Variants in CACNA1H observed in about 807,000 individuals in gnomAD.
CACNA1H encodes calcium voltage-gated channel subunit alpha1 H, also known as voltage-dependent T-type calcium channel subunit alpha-1H.
CACNA1H carries 149 observed loss-of-function variants against 192.5 expected under a neutral mutation model. That is an observed-to-expected ratio of 0.77 (90% CI 0.68 to 0.89). The LOEUF (loss-of-function observed/expected upper bound fraction) is 0.89. Among genes scored for constraint, CACNA1H ranks in the 40% least tolerant of loss-of-function variants. The pLI is 0.00. For synonymous variants in CACNA1H, 2,202 were observed against 1,475.2 expected, an observed-to-expected ratio of 1.49 and a Z score of -11.29; for missense variants, 4,257 against 3,423.5, an observed-to-expected ratio of 1.24 and a Z score of -6.08.
intron 2 of CACNA1H, among the ~76,000 whole-genome samples, chr16:1,183,570 T>G (rs1326624761): frequency 6.6e-6 from 1 of 152,140 alleles, no homozygotes; most frequent in Admixed American, 6.5e-5. Context: ...TCCCTCCCGC[T>G]AAGAGGCCCC....
intron 2 of CACNA1H, among the ~76,000 whole-genome samples, chr16:1,190,838 C>A (rs1192994490): frequency 6.6e-6 from 1 of 151,462 alleles, no homozygotes; most frequent in African/African-American, 2.4e-5. Flanking sequence ...ACCCGTCAGG[C>A]TGGCCTGGCT....
chr16:1,207,744 C>T (rs755109518), intron 14 of CACNA1H, 26 bp from the exon 15 acceptor site: 3 of 1,569,520 alleles, frequency 1.9e-6, no homozygotes, highest in South Asian at 2.3e-5. Flanking sequence ...GCCCCTCATG[C>T]CTGCCTTGTG....
chr16:1,200,819 G>A lies in CACNA1H; in HGVS notation c.1212+11G>A. On this transcript the variant is annotated intron_variant, in intron 8 of 34. Coordinates refer to ENST00000348261, the MANE Select transcript of CACNA1H (RefSeq NM_021098.3). The stretch of plus-strand genomic sequence containing the variant: ...ATCCTGCTCATCATCGTGAGTGTGG[G>A]CGGCAGTGTTCGCCATGATGGGCCC... 1 of 1,549,578 alleles carries A rather than the reference G, an allele frequency of 6.5e-7. No homozygotes were observed. The highest frequency in any genetic ancestry group is 2.4e-5 in the East Asian group (1 of 40,924).
rs1961891106 is a variant in CACNA1H, at chr16:1,153,729, G to A, written c.-9G>A. ...CCCCTGTCCTCTGCAGGTGCTGCCG[G>A]CCGCCACCATGACCGAGGGCGCACG... On this transcript the variant is annotated 5_prime_UTR_variant, in exon 2 of 35. Transcript: ENST00000348261. 2 of 1,204,238 alleles carry A rather than the reference G, an allele frequency of 1.7e-6. No homozygotes were observed. Among genetic ancestry groups the A allele is most frequent in the South Asian group, 3.8e-5 (1 of 25,994 alleles). The allele number at this position is 1,204,238 out of a possible 1,614,324, so 74.6% of individuals were successfully genotyped here.
Position 1,195,922 on chromosome 16 carries a change from C to G in CACNA1H, c.546-4C>G, listed in dbSNP as rs770289037. On this transcript the variant is annotated splice_polypyrimidine_tract_variant and splice_region_variant and intron_variant, in intron 4 of 34. Transcript: ENST00000348261. ...GAGCTGCTCCCCCTCGGCCCCGCCC[C>G]CAGCATGATGGAGTACTCGTTGGAC... 2 of 1,612,484 alleles carry G rather than the reference C, an allele frequency of 1.2e-6. No individual in the cohort carries two copies. The highest frequency in any genetic ancestry group is 1.7e-6 in the Non-Finnish European group (2 of 1,179,304).
chr16:1,209,542 G>A, intron 17 of CACNA1H, 130 bp downstream of exon 17: 2 of 1,135,466 alleles, frequency 1.8e-6, no homozygotes, highest in Non-Finnish European at 1.2e-6. Flanking sequence ...GAGAGAAGCA[G>A]GCCAGGCCAG....
intron 2 of CACNA1H, among the ~76,000 whole-genome samples, chr16:1,183,641 G>A (rs549469077): frequency 3.3e-5 from 5 of 152,372 alleles, no homozygotes; most frequent in South Asian, 4.1e-4. Flanking sequence ...GGGAGGCGCC[G>A]CACTCAGGGC....
intron 2 of CACNA1H, among the ~76,000 whole-genome samples, chr16:1,177,518 A>T (rs1965010683): frequency 6.6e-6 from 1 of 152,076 alleles, no homozygotes. Flanking sequence ...CGGGGCAGAG[A>T]GTGGAACGAG....
chr16:1,156,378 G>A (rs1246841530), intron 2 of CACNA1H, among the ~76,000 whole-genome samples: 1 of 152,246 alleles, frequency 6.6e-6, no homozygotes, highest in East Asian at 1.9e-4. Context: ...CTGTAGCGAG[G>A]GTGTGTGTCC....
Position 1,218,580 on chromosome 16 carries a change from C to G in CACNA1H, c.5816C>G (p.Pro1939Arg). 6.4e-7 allele frequency: 1 copy of G among 1,565,532 alleles called. No homozygotes were observed. Among genetic ancestry groups the G allele is most frequent in the Non-Finnish European group, 8.7e-7 (1 of 1,155,400 alleles). Residue 1939 changes from proline to arginine, a missense_variant, in exon 33 of 35, where the codon CCT (proline) becomes CGT (arginine). Physicochemically the swap from Pro to Arg is moderately radical, Grantham distance 103 (BLOSUM62 -2). Coordinates refer to ENST00000348261, the MANE Select transcript of CACNA1H (RefSeq NM_021098.3). ...AGCTACATGTTCAGGCCCGTGGTGC[C>G]TGCCTCGGCGCCCCACCCCCGCCCG... is the stretch of plus-strand genomic sequence containing the variant. ...NDSYMFRPVV[P>R]ASAPHPRPLQ... is the part of the protein sequence containing the mutation.
intron 2 of CACNA1H, among the ~76,000 whole-genome samples, chr16:1,177,004 G>C (rs1229864360): frequency 6.6e-6 from 1 of 152,104 alleles, no homozygotes; most frequent in Non-Finnish European, 1.5e-5. Flanking sequence ...GAAAAGGCCT[G>C]GGCAGCCTCA....
At chr16:1,186,592 C>T (rs149274601) in intron 2 of CACNA1H, among the ~76,000 whole-genome samples, 1 of 152,106 alleles carries the variant, frequency 6.6e-6, no homozygotes, top group South Asian at 2.1e-4. Context: ...ACATGCCCCT[C>T]GAGATGGCCT....
chr16:1,188,336 C>T (rs1342115128), intron 2 of CACNA1H, among the ~76,000 whole-genome samples: 1 of 152,106 alleles, frequency 6.6e-6, no homozygotes, highest in Non-Finnish European at 1.5e-5. Flanking sequence ...GAACCCCTGT[C>T]CCTACCCAGG....
Position 1,218,304 on chromosome 16 carries a change from C to A in CACNA1H, c.5540C>A (p.Ala1847Asp). ...PVYFVTFVLV[A>D]QFVLVNVVVA... is the part of the protein sequence containing the mutation. ...TACTTCGTGACCTTCGTGCTGGTGG[C>A]CCAGTTCGTGCTGGTGAACGTGGTG... The change falls in exon 33 of 35, where the codon GCC becomes GAC. Residue 1847 changes from alanine to aspartate, a missense_variant. Coordinates refer to ENST00000348261, the MANE Select transcript of CACNA1H (RefSeq NM_021098.3). The A allele has an allele frequency of 6.4e-7, 1 of 1,555,086 alleles. No individual in the cohort carries two copies. Among genetic ancestry groups the A allele is most frequent in the Non-Finnish European group, 8.7e-7 (1 of 1,149,668 alleles).
Position 1,216,929 on chromosome 16 carries a change from T to G in CACNA1H, c.5245-3T>G. ...GACCCAGCTCTGCTTCTCTCTTGTG[T>G]AGGTGGGGAACCTGGGCCTTCTTTT... On this transcript the variant is annotated splice_polypyrimidine_tract_variant and splice_region_variant and intron_variant, in intron 30 of 34. Coordinates refer to ENST00000348261, the MANE Select transcript of CACNA1H (RefSeq NM_021098.3). The G allele has an allele frequency of 1.9e-6, 3 of 1,600,508 alleles. No individual in the cohort carries two copies. The highest frequency in any genetic ancestry group is 2.6e-6 in the Non-Finnish European group (3 of 1,173,542).
intron 11 of CACNA1H, 56 bp from the exon 12 acceptor site, chr16:1,206,048 A>C: frequency 6.7e-7 from 1 of 1,487,578 alleles, no homozygotes; most frequent in East Asian, 2.5e-5. Flanking sequence ...CAGTGGGACG[A>C]GGGCCTGGGG....
chr16:1,172,746 C>T (rs978564575), intron 2 of CACNA1H, among the ~76,000 whole-genome samples: 6 of 151,986 alleles, frequency 3.9e-5, no homozygotes, highest in African/African-American at 1.2e-4. Flanking sequence ...CCCTTCTCCC[C>T]GGGGCACCCA....
chr16:1,209,680 G>A (rs1969194024), intron 17 of CACNA1H, among the ~76,000 whole-genome samples: 1 of 152,210 alleles, frequency 6.6e-6, no homozygotes, highest in South Asian at 2.1e-4. Context: ...CTGCGCCGTG[G>A]GTCAGCCACT....
chr16:1,212,145 C>A lies in CACNA1H; in HGVS notation c.4759+7C>A. 6.2e-7 allele frequency: 1 copy of A among 1,600,700 alleles called. No homozygotes were observed. The highest frequency in any genetic ancestry group is 8.5e-7 in the Non-Finnish European group (1 of 1,178,010). ...CTAGAGAGGAGGCGCAGGAGTAAGGCGCTCCCGGTGGCGGTGGCGGTGGCG... is the reference window on the plus strand; with the variant it reads ...CTAGAGAGGAGGCGCAGGAGTAAGGAGCTCCCGGTGGCGGTGGCGGTGGCG... On this transcript the variant is annotated splice_region_variant and intron_variant, in intron 25 of 34. Transcript: ENST00000348261.
Sources: gnomAD v4.1 joint callset for allele counts (sites outside exome capture counted in the v4.1 genomes callset) on GRCh38, gnomAD v4.1.1 for gene constraint, MANE v1.5 for transcripts, NCBI Gene and HGNC (gene_info 2026-07-23, HGNC 2026-07-21) for gene names.